Variants in C16orf95 observed in about 807,000 individuals in gnomAD.
C16orf95 encodes the protein uncharacterized protein C16orf95.
In C16orf95, 41 loss-of-function variants were observed where a neutral mutation model predicts 32.1. The ratio of observed to expected loss-of-function variants is 1.28; its 90% CI spans 1.00 to 1.66. C16orf95 has a LOEUF of 1.66. C16orf95 is among the 40% of genes most tolerant of loss of function. C16orf95 has a pLI of 0.00. For missense variants in C16orf95, 399 were observed against 325.9 expected, an observed-to-expected ratio of 1.22 and a Z score of -1.73; for synonymous variants, 147 against 128.9, an observed-to-expected ratio of 1.14 and a Z score of -0.95.
At chr16:87,310,735 G>A (rs1911243935) in intron 4 of C16orf95, among the ~76,000 whole-genome samples, 1 of 152,198 alleles carries the variant, frequency 6.6e-6, no homozygotes, top group African/African-American at 2.4e-5. Flanking sequence ...CATGCAGCCA[G>A]GGCCAGGGGA....
chr16:87,304,419 G>T (rs911922944), intron 6 of C16orf95, among the ~76,000 whole-genome samples: 4 of 152,246 alleles, frequency 2.6e-5, no homozygotes, highest in African/African-American at 9.6e-5. Flanking sequence ...CATCCTTTAA[G>T]GCCAAGTGTT....
At chr16:87,309,763 A>G (rs1393648533) in intron 5 of C16orf95, among the ~76,000 whole-genome samples, 1 of 152,204 alleles carries the variant, frequency 6.6e-6, no homozygotes, top group African/African-American at 2.4e-5. Context: ...GAATGTGAGT[A>G]TATACTATGT....
chr16:87,306,842 T>C (rs997154946), intron 5 of C16orf95, among the ~76,000 whole-genome samples: 2 of 152,170 alleles, frequency 1.3e-5, no homozygotes, highest in African/African-American at 4.8e-5. Context: ...AAAACAATGA[T>C]TGGAGTAAAA....
Position 87,305,949 on chromosome 16 carries a change from G to A in C16orf95, c.515-44C>T, listed in dbSNP as rs1448959888. 7.4e-7 allele frequency: 1 copy of A among 1,353,020 alleles called. No homozygotes were observed. The highest frequency in any genetic ancestry group is 3.1e-5 in the East Asian group (1 of 32,470). The allele number at this position is 1,353,020 out of a possible 1,614,324, so 83.8% of individuals were successfully genotyped here. ...GGTTGAGGACAGGGCGTGTTCTCCG[G>A]GACTCTGTGAGCCACGAGGAGGCTG... On this transcript the variant is annotated intron_variant, in intron 5 of 6. Coordinates refer to ENST00000567970, the MANE Select transcript of C16orf95 (RefSeq NM_001195124.3). This position sits in a 1 kb window ranked among gnomAD's most constrained non-coding sequence, Gnocchi z 4.2.
chr16:87,308,720 GT>G (rs1186440347), intron 5 of C16orf95, among the ~76,000 whole-genome samples: 1 of 152,146 alleles, frequency 6.6e-6, no homozygotes, highest in Non-Finnish European at 1.5e-5. Flanking sequence ...TTTCACTCCT[GT>G]TACAATTCTT....
At chr16:87,313,744 G>A (rs1336992087) in intron 3 of C16orf95, among the ~76,000 whole-genome samples, 1 of 152,068 alleles carries the variant, frequency 6.6e-6, no homozygotes, top group Non-Finnish European at 1.5e-5. Context: ...GGAAAGGCAG[G>A]CCAAAGACAT....
intron 5 of C16orf95, among the ~76,000 whole-genome samples, chr16:87,309,139 A>T (rs549912997): frequency 2.0e-5 from 3 of 152,146 alleles, no homozygotes; most frequent in South Asian, 4.1e-4. Flanking sequence ...TTCCACTCAA[A>T]CTTCACCATA....
At chr16:87,303,155 C>A in intron 6 of C16orf95, 80 bp from the exon 7 acceptor site, 1 of 1,425,092 alleles carries the variant, frequency 7.0e-7, no homozygotes, top group Non-Finnish European at 9.6e-7. Context: ...CCTTGGGAAA[C>A]CTCCATGAGC....
chr16:87,316,161 A>G (rs149281670), intron 1 of C16orf95, among the ~76,000 whole-genome samples: 1 of 152,376 alleles, frequency 6.6e-6, no homozygotes, highest in Non-Finnish European at 1.5e-5. Context: ...ACTTTCCAAG[A>G]CATGTAGCTG....
chr16:87,310,430 C>T, intron 4 of C16orf95, 97 bp from the exon 5 acceptor site: 1 of 1,248,396 alleles, frequency 8.0e-7, no homozygotes, highest in Non-Finnish European at 1.1e-6. Context: ...GGGGCACTGG[C>T]CAGCTCAAGA....
rs1474506724 is a variant in C16orf95 at position 87,315,083 on chromosome 16, G to A, written c.218C>T (p.Pro73Leu). Residue 73 changes from proline to leucine, a missense_variant, in exon 3 of 7, where the codon CCC becomes CTC. Physicochemically the swap from Pro to Leu is moderately conservative, Grantham distance 98 (BLOSUM62 -3). Coordinates refer to ENST00000567970, the MANE Select transcript of C16orf95 (RefSeq NM_001195124.3). ...CTGGCATTCACAGCAGATGGCCCAG[G>A]GGCCAGGGTGCATCTGAGTAAGATC... Reference protein sequence around the residue: ...CLPRHSMHPGPWAICCECQTR... With the variant: ...CLPRHSMHPGLWAICCECQTR... 2.6e-6 allele frequency: 4 copies of A among 1,535,958 alleles called. No individual in the cohort carries two copies. Among genetic ancestry groups the A allele is most frequent in the East Asian group, 4.9e-5 (2 of 40,932 alleles).
intron 2 of C16orf95, 68 bp downstream of exon 2, chr16:87,315,704 C>A: frequency 1.6e-6 from 2 of 1,240,802 alleles, no homozygotes; most frequent in Non-Finnish European, 2.2e-6. Context: ...ACCCACATTC[C>A]CTGCTCTCCT....
intron 5 of C16orf95, 169 bp from the exon 6 acceptor site, chr16:87,306,074 T>C (rs996690535): frequency 1.5e-5 from 7 of 464,190 alleles, no homozygotes; most frequent in Admixed American, 1.2e-4. Context: ...ATAAAGGCCG[T>C]CTTGCGGGTT....
At chr16:87,316,188 G>T (rs539031610) in intron 1 of C16orf95, among the ~76,000 whole-genome samples, 1 of 152,280 alleles carries the variant, frequency 6.6e-6, no homozygotes, top group East Asian at 1.9e-4. Context: ...ACATCACCTA[G>T]GATGATCTGT....
At chr16:87,309,158 G>C (rs1281195505) in intron 5 of C16orf95, among the ~76,000 whole-genome samples, 1 of 152,062 alleles carries the variant, frequency 6.6e-6, no homozygotes, top group Non-Finnish European at 1.5e-5. Context: ...TAAATGTGAT[G>C]TTTGTTTTGG....
intron 2 of C16orf95, 149 bp from the exon 3 acceptor site, chr16:87,315,245 C>G: frequency 1.2e-6 from 1 of 838,568 alleles, no homozygotes; most frequent in African/African-American, 1.7e-5. Context: ...AAGAGGCAGG[C>G]TACCGTGGCT....
At chr16:87,315,524 A>G (rs1904313807) in intron 2 of C16orf95, among the ~76,000 whole-genome samples, 1 of 152,218 alleles carries the variant, frequency 6.6e-6, no homozygotes, top group Non-Finnish European at 1.5e-5. Flanking sequence ...AGGTGCTGCC[A>G]TCACCTCCAG....
chr16:87,317,027 G>A, intron 1 of C16orf95, 64 bp downstream of exon 1: 1 of 1,458,172 alleles, frequency 6.9e-7, no homozygotes, highest in Non-Finnish European at 9.1e-7. Context: ...ATGGAGCAAT[G>A]CCGGGCCGGG....
Position 87,305,170 on chromosome 16 carries a change from G to T in C16orf95, c.701+549C>A, listed in dbSNP as rs1276430311. Among the ~76,000 whole-genome samples, 1 of 152,198 alleles carries T rather than the reference G, an allele frequency of 6.6e-6. No individual in the cohort carries two copies. The highest frequency in any genetic ancestry group is 2.4e-5 in the African/African-American group (1 of 41,472). ...TGGCCCCGGAGGCTTCCTGGGGGAG[G>T]TATCCCAGCAGAAAGCCATGGCTGT... On this transcript the variant is annotated intron_variant, in intron 6 of 6. Coordinates refer to ENST00000567970, the MANE Select transcript of C16orf95 (RefSeq NM_001195124.3). This position sits in a 1 kb window ranked among gnomAD's most constrained non-coding sequence, Gnocchi z 4.2.
Sources: gnomAD v4.1 joint callset for allele counts (sites outside exome capture counted in the v4.1 genomes callset) on GRCh38, gnomAD v4.1.1 for gene constraint, Gnocchi (gnomAD v3.1) non-coding constraint, MANE v1.5 for transcripts, NCBI Gene and HGNC (gene_info 2026-07-23, HGNC 2026-07-21) for gene names.